Variants in NRXN3 observed in about 807,000 individuals in gnomAD.
The protein encoded by NRXN3 is neurexin 3, also known as neurexin III.
In NRXN3, 32 loss-of-function variants were observed where a neutral mutation model predicts 137.6. The observed-to-expected ratio is 0.23, with a 90% CI of 0.18 to 0.31. NRXN3 has a LOEUF of 0.31. NRXN3 is among the 10% of genes least tolerant of loss of function. NRXN3 has a pLI of 1.00. For missense variants in NRXN3, 1,574 were observed against 2,062.5 expected, an observed-to-expected ratio of 0.76 and a Z score of 4.59; for synonymous variants, 798 against 784.5, an observed-to-expected ratio of 1.02 and a Z score of -0.29.
intron 15 of NRXN3, among the ~76,000 whole-genome samples, chr14:79,147,392 G>T (rs937231256): frequency 6.6e-6 from 1 of 152,058 alleles, no homozygotes; most frequent in African/African-American, 2.4e-5. Context: ...GTCATGTTTC[G>T]CAAGGAGGTG....
intron 15 of NRXN3, among the ~76,000 whole-genome samples, chr14:79,011,109 A>G (rs2099570117): frequency 6.6e-6 from 1 of 152,136 alleles, no homozygotes; most frequent in Admixed American, 6.6e-5. Context: ...AGAGGTCTCA[A>G]GTGTTTGTAT....
At chr14:79,548,995 G>T (rs1024706587) in intron 16 of NRXN3, among the ~76,000 whole-genome samples, 1 of 152,054 alleles carries the variant, frequency 6.6e-6, no homozygotes, top group South Asian at 2.1e-4. Flanking sequence ...ATAGTGGCAG[G>T]TTAGGTCCAT....
At chr14:79,533,756 T>C (rs775786255) in intron 16 of NRXN3, among the ~76,000 whole-genome samples, 30 of 152,270 alleles carry the variant, frequency 2.0e-4, no homozygotes, top group Non-Finnish European at 3.5e-4. Context: ...ATCACAATTA[T>C]TGATAGTAAA....
At chr14:79,774,142 A>T (rs934672980) in intron 19 of NRXN3, among the ~76,000 whole-genome samples, 1 of 152,156 alleles carries the variant, frequency 6.6e-6, no homozygotes, top group Non-Finnish European at 1.5e-5. Context: ...CAAGTAGTGG[A>T]AAGTTATAAA....
At chr14:78,887,915 A>G (rs937773070) in intron 10 of NRXN3, among the ~76,000 whole-genome samples, 1 of 152,072 alleles carries the variant, frequency 6.6e-6, no homozygotes, top group African/African-American at 2.4e-5. Context: ...TGTATCCAGA[A>G]TGCCTGGGAT....
chr14:78,375,113 C>T (rs576801089), intron 4 of NRXN3, among the ~76,000 whole-genome samples: 2 of 152,316 alleles, frequency 1.3e-5, no homozygotes, highest in African/African-American at 2.4e-5. Flanking sequence ...GCAAGGACTC[C>T]AACCTTTTGA....
chr14:79,348,470 G>T (rs1168811185), intron 15 of NRXN3, among the ~76,000 whole-genome samples: 1 of 150,804 alleles, frequency 6.6e-6, no homozygotes, highest in Admixed American at 6.6e-5. Flanking sequence ...CCGCCTCCCG[G>T]GTTCACGCCA....
chr14:78,266,942 C>T (rs1439947057), intron 2 of NRXN3, among the ~76,000 whole-genome samples: 1 of 152,102 alleles, frequency 6.6e-6, no homozygotes, highest in Non-Finnish European at 1.5e-5. Flanking sequence ...TCACTAGAAA[C>T]TCATTCTGTC....
chr14:79,818,277 T>C (rs996676841), intron 20 of NRXN3, among the ~76,000 whole-genome samples: 1 of 152,002 alleles, frequency 6.6e-6, no homozygotes, highest in Admixed American at 6.5e-5. Flanking sequence ...ATGGTCATGA[T>C]CTCCTGACCT....
intron 11 of NRXN3, among the ~76,000 whole-genome samples, chr14:78,960,166 C>T (rs1567825402): frequency 2.0e-5 from 3 of 152,060 alleles, no homozygotes; most frequent in Non-Finnish European, 2.9e-5. Context: ...TCAGACGTGT[C>T]CCCCCAACCC....
At chr14:78,579,987 T>C (rs2096976912) in intron 4 of NRXN3, among the ~76,000 whole-genome samples, 2 of 152,170 alleles carry the variant, frequency 1.3e-5, no homozygotes, top group South Asian at 2.1e-4. Flanking sequence ...TCTCATAGGC[T>C]TTTTGGGAGG....
chr14:78,181,642 TA>T (rs149816631), intron 1 of NRXN3, among the ~76,000 whole-genome samples: 5 of 150,142 alleles, frequency 3.3e-5, no homozygotes, highest in African/African-American at 9.8e-5. Flanking sequence ...CTTCTCAGTT[TA>T]AAAAAAAAAT....
At chr14:78,541,020 A>G (rs541402476) in intron 4 of NRXN3, among the ~76,000 whole-genome samples, 9 of 152,014 alleles carry the variant, frequency 5.9e-5, no homozygotes, top group African/African-American at 2.2e-4. Context: ...TTTGTGGGTA[A>G]CTCGGCTTTT....
At chr14:79,158,338 T>C (rs1251376396) in intron 15 of NRXN3, among the ~76,000 whole-genome samples, 2 of 151,840 alleles carry the variant, frequency 1.3e-5, no homozygotes, top group African/African-American at 4.8e-5. Flanking sequence ...GAATATCTAA[T>C]AGTGAGATTA....
At chr14:78,485,121 G>C (rs1455725069) in intron 4 of NRXN3, among the ~76,000 whole-genome samples, 1 of 152,136 alleles carries the variant, frequency 6.6e-6, no homozygotes, top group Non-Finnish European at 1.5e-5. Context: ...CCCAAAGGGA[G>C]CCCTGGCTCC....
chr14:79,752,719 G>T (rs2099002549), intron 19 of NRXN3, among the ~76,000 whole-genome samples: 1 of 151,948 alleles, frequency 6.6e-6, no homozygotes, highest in African/African-American at 2.4e-5. Context: ...TTGACAAATG[G>T]GATCTAATTA....
intron 8 of NRXN3, among the ~76,000 whole-genome samples, chr14:78,765,314 C>T (rs902378878): frequency 2.0e-5 from 3 of 152,082 alleles, no homozygotes; most frequent in African/African-American, 7.2e-5. Context: ...CCACTACACC[C>T]GGCTAATGTT....
intron 8 of NRXN3, among the ~76,000 whole-genome samples, chr14:78,718,800 C>A (rs761662299): frequency 6.6e-6 from 1 of 152,138 alleles, no homozygotes; most frequent in South Asian, 2.1e-4. Flanking sequence ...GTTGGCTATT[C>A]ATAGTGATGT....
chr14:78,889,704 A>G (rs1393123141), intron 10 of NRXN3, among the ~76,000 whole-genome samples: 1 of 152,034 alleles, frequency 6.6e-6, no homozygotes, highest in African/African-American at 2.4e-5. Flanking sequence ...GGCCTCAAGG[A>G]TTCTGCAGTA....
Sources: allele counts gnomAD v4.1 joint callset (sites outside exome capture counted in the v4.1 genomes callset), GRCh38; gene constraint gnomAD v4.1.1; transcripts MANE v1.5; gene names NCBI Gene and HGNC (gene_info 2026-07-23, HGNC 2026-07-21).